NRG3: variants seen among roughly 807,000 people sequenced by gnomAD.
The protein encoded by NRG3 is neuregulin 3.
Under a neutral mutation model 66.9 loss-of-function variants are expected in NRG3, and 31 were observed. The ratio of observed to expected loss-of-function variants is 0.46; its 90% CI spans 0.35 to 0.63. The LOEUF (loss-of-function observed/expected upper bound fraction) is 0.63. NRG3 is among the 20% of genes least tolerant of loss of function. NRG3 has a pLI of 0.00. For synonymous variants in NRG3, 393 were observed against 359.4 expected, an observed-to-expected ratio of 1.09 and a Z score of -1.06; for missense variants, 910 against 878.9, an observed-to-expected ratio of 1.04 and a Z score of -0.45.
At chr10:82,048,365 C>T (rs1423197903) in intron 1 of NRG3, among the ~76,000 whole-genome samples, 1 of 152,004 alleles carries the variant, frequency 6.6e-6, no homozygotes, top group Non-Finnish European at 1.5e-5. Flanking sequence ...CTCTCCTCAG[C>T]AAACGTAAAA....
At chr10:82,004,313 G>A (rs146129947) in intron 1 of NRG3, among the ~76,000 whole-genome samples, 2 of 152,112 alleles carry the variant, frequency 1.3e-5, no homozygotes, top group Admixed American at 1.3e-4. Flanking sequence ...AAATTTGAAG[G>A]CCATCAAACT....
intron 2 of NRG3, among the ~76,000 whole-genome samples, chr10:82,459,603 T>C (rs2091424968): frequency 6.6e-6 from 1 of 152,222 alleles, no homozygotes; most frequent in African/African-American, 2.4e-5. Context: ...TGTCCTGTGT[T>C]GAATTATTTC....
chr10:82,916,294 T>G (rs1845825405), intron 4 of NRG3, among the ~76,000 whole-genome samples: 1 of 151,996 alleles, frequency 6.6e-6, no homozygotes, highest in African/African-American at 2.4e-5. Context: ...TCTACAAAAA[T>G]AAAATAAATT....
intron 1 of NRG3, among the ~76,000 whole-genome samples, chr10:82,166,434 A>G (rs908212491): frequency 1.3e-5 from 2 of 152,130 alleles, no homozygotes; most frequent in Admixed American, 6.6e-5. Context: ...TTTAACTATT[A>G]AAATCTATAT....
intron 2 of NRG3, among the ~76,000 whole-genome samples, chr10:82,375,406 A>G (rs1255725685): frequency 1.3e-5 from 2 of 152,000 alleles, no homozygotes; most frequent in East Asian, 1.9e-4. Context: ...GCGTGGTGGC[A>G]GGTGCCTGTA....
chr10:82,810,310 G>C (rs1300449972), intron 3 of NRG3, among the ~76,000 whole-genome samples: 1 of 152,124 alleles, frequency 6.6e-6, no homozygotes, highest in Non-Finnish European at 1.5e-5. Context: ...AAATCCATTT[G>C]GGATTGACAG....
intron 3 of NRG3, among the ~76,000 whole-genome samples, chr10:82,784,442 T>G (rs1415921579): frequency 6.6e-6 from 1 of 151,564 alleles, no homozygotes; most frequent in African/African-American, 2.4e-5. Flanking sequence ...TGGGAGAAAA[T>G]TTTTGCAACC....
intron 2 of NRG3, among the ~76,000 whole-genome samples, chr10:82,557,808 C>A (rs746487202): frequency 6.6e-6 from 1 of 152,142 alleles, no homozygotes; most frequent in Non-Finnish European, 1.5e-5. Flanking sequence ...CCACATTTTA[C>A]AGATGAGGAC....
At chr10:82,231,694 A>C (rs2076473791) in intron 1 of NRG3, among the ~76,000 whole-genome samples, 1 of 152,204 alleles carries the variant, frequency 6.6e-6, no homozygotes, top group South Asian at 2.1e-4. Flanking sequence ...AAAAGAGAAG[A>C]AAACATATTA....
chr10:81,962,220 C>T (rs1327052658), intron 1 of NRG3, among the ~76,000 whole-genome samples: 1 of 152,136 alleles, frequency 6.6e-6, no homozygotes, highest in Non-Finnish European at 1.5e-5. Context: ...GCCTTGGTTT[C>T]TTTATCTATA....
At chr10:81,994,552 C>CAAAT (rs2060860878) in intron 1 of NRG3, among the ~76,000 whole-genome samples, 1 of 148,590 alleles carries the variant, frequency 6.7e-6, no homozygotes, top group Non-Finnish European at 1.5e-5. Flanking sequence ...TTTTTTTTTC[C>CAAAT]TTGCATAAAG....
chr10:81,917,957 A>G (rs911531050), intron 1 of NRG3, among the ~76,000 whole-genome samples: 6 of 152,190 alleles, frequency 3.9e-5, no homozygotes, highest in African/African-American at 1.4e-4. Context: ...TGAGTTTAAT[A>G]CAATGGAATA....
intron 1 of NRG3, among the ~76,000 whole-genome samples, chr10:82,048,558 G>A (rs1459856024): frequency 2.0e-5 from 3 of 149,460 alleles, no homozygotes; most frequent in Non-Finnish European, 3.0e-5. Flanking sequence ...CAACGAGAAC[G>A]AAGACACAAC....
intron 1 of NRG3, among the ~76,000 whole-genome samples, chr10:82,266,941 A>G (rs2078330775): frequency 6.6e-6 from 1 of 152,184 alleles, no homozygotes; most frequent in South Asian, 2.1e-4. Flanking sequence ...TCTAGAGTCT[A>G]GGGGAGTGAT....
intron 2 of NRG3, among the ~76,000 whole-genome samples, chr10:82,715,505 G>T (rs932345043): frequency 2.6e-5 from 4 of 152,008 alleles, no homozygotes; most frequent in African/African-American, 9.7e-5. Flanking sequence ...TTATTTTGTG[G>T]TTTCTATGAT....
At chr10:81,894,178 TA>T (rs944971722) in intron 1 of NRG3, among the ~76,000 whole-genome samples, 2 of 151,946 alleles carry the variant, frequency 1.3e-5, no homozygotes, top group African/African-American at 4.8e-5. Context: ...CCGTCTCCAC[TA>T]AAAATACAAA....
chr10:81,916,112 C>T (rs998324907), intron 1 of NRG3, among the ~76,000 whole-genome samples: 3 of 151,960 alleles, frequency 2.0e-5, no homozygotes, highest in Non-Finnish European at 2.9e-5. Context: ...AACTCTGGTG[C>T]GTACTTTTTA....
chr10:82,422,195 A>C (rs2089131872), intron 2 of NRG3, among the ~76,000 whole-genome samples: 1 of 152,064 alleles, frequency 6.6e-6, no homozygotes, highest in Non-Finnish European at 1.5e-5. Flanking sequence ...CCTGGACCAG[A>C]AATCAGACAT....
chr10:81,938,087 A>G (rs996233380), intron 1 of NRG3, among the ~76,000 whole-genome samples: 22 of 152,050 alleles, frequency 1.4e-4, no homozygotes, highest in Admixed American at 7.2e-4. Flanking sequence ...GTTTCATTCT[A>G]CTGCTCTGTA....
Sources: allele counts gnomAD v4.1 joint callset (sites outside exome capture counted in the v4.1 genomes callset), GRCh38; gene constraint gnomAD v4.1.1; transcripts MANE v1.5; gene names NCBI Gene and HGNC (gene_info 2026-07-23, HGNC 2026-07-21).